Variants in DISP3 observed in about 807,000 individuals in gnomAD.
DISP3 encodes protein dispatched homolog 3.
Under a neutral mutation model 135.3 loss-of-function variants are expected in DISP3, and 101 were observed. The observed-to-expected ratio is 0.75, with a 90% CI of 0.64 to 0.88. The LOEUF is 0.88. DISP3 is among the 40% of genes least tolerant of loss of function. The pLI, the probability that DISP3 is intolerant of heterozygous loss-of-function variation, is 0.00. For missense variants in DISP3, 1,713 were observed against 1,878.6 expected (o/e 0.91, Z 1.63); for synonymous variants, 856 against 817.0 (o/e 1.05, Z -0.81).
rs549134717 is a variant in DISP3 at position 11,515,067 on chromosome 1, A to T, written c.1454-302A>T. Among the ~76,000 whole-genome samples the T allele has an allele frequency of 4.6e-5, 7 of 152,378 alleles. No individual in the cohort carries two copies. In the South Asian group the frequency reaches 1.4e-3, roughly 32 times the overall value. ...TACTGGGCACCAAACTATATGCCAGATGCTGTAAGGTGCCAGGGATCCAGA... is the reference window on the plus strand; with the variant it reads ...TACTGGGCACCAAACTATATGCCAGTTGCTGTAAGGTGCCAGGGATCCAGA... On this transcript the variant is annotated intron_variant, in intron 4 of 20. Transcript: ENST00000294484.
intron 1 of DISP3, among the ~76,000 whole-genome samples, chr1:11,495,344 T>C (rs1641303090): frequency 6.6e-6 from 1 of 152,120 alleles, no homozygotes; most frequent in African/African-American, 2.4e-5. Flanking sequence ...TGAGCTGAGA[T>C]CGCACCATTG....
intron 1 of DISP3, among the ~76,000 whole-genome samples, chr1:11,492,403 T>C (rs1641214960): frequency 6.6e-6 from 1 of 152,116 alleles, no homozygotes; most frequent in South Asian, 2.1e-4. Context: ...ATTGAGCCAT[T>C]GGGTTTTTCG....
chr1:11,522,226 G>A (rs1642217400), intron 10 of DISP3, among the ~76,000 whole-genome samples: 1 of 152,292 alleles, frequency 6.6e-6, no homozygotes, highest in African/African-American at 2.4e-5. Flanking sequence ...AGACGCCTGG[G>A]TGAGTGCTTC....
In DISP3 at chr1:11,525,246, C is replaced by G; in HGVS notation, c.2547C>G (p.Leu849=). ...ACCCCGCTGTCTACAGGCTCTCCCT[C>G]AATGCCAGCCTGCCTGCTCCTTGGC... ...QGHPAVYRLS[L]NASLPAPWQA... The change falls in exon 12 of 21, where the codon CTC becomes CTG. Residue 849 remains leucine (L), a synonymous_variant. Coordinates refer to ENST00000294484, the MANE Select transcript of DISP3 (RefSeq NM_020780.2). The G allele has an allele frequency of 6.2e-7, 1 of 1,614,110 alleles. No individual in the cohort carries two copies. The highest frequency in any genetic ancestry group is 8.5e-7 in the Non-Finnish European group (1 of 1,179,982).
At chr1:11,526,156 C>T (rs1642411516) in intron 12 of DISP3, among the ~76,000 whole-genome samples, 1 of 152,220 alleles carries the variant, frequency 6.6e-6, no homozygotes, top group African/African-American at 2.4e-5. Context: ...CTAAGCCTCG[C>T]ATGTGCAGTT....
chr1:11,535,194 C>A, intron 19 of DISP3, 70 bp downstream of exon 19: 1 of 1,420,352 alleles, frequency 7.0e-7, no homozygotes, highest in Non-Finnish European at 9.6e-7. Flanking sequence ...CCGGTGGCCC[C>A]AGGTAGCCTC....
rs377668584 is a variant in DISP3, at chr1:11,531,685, A to T, written c.3350A>T (p.Gln1117Leu). 8.1e-6 allele frequency: 13 copies of T among 1,609,548 alleles called. No individual in the cohort carries two copies. The highest frequency in any genetic ancestry group is 1.1e-5 in the Non-Finnish European group (13 of 1,177,856). ...GTGGGCGTCAGGGAGGGCCGCGTGC[A>T]GTGGATCTCCATGGCTTTCGAGTCG... ...GAVGVREGRV[Q>L]WISMAFESTT... Residue 1117 changes from glutamine (Q) to leucine (L), a missense_variant, in exon 17 of 21, where the codon CAG (glutamine) becomes CTG (leucine). Coordinates refer to ENST00000294484, the MANE Select transcript of DISP3 (RefSeq NM_020780.2). The surrounding 1 kb of genome is among the most constrained non-coding windows in gnomAD (Gnocchi z 5.2).
In DISP3 at chr1:11,531,017, C is replaced by T. The variant is rs754823994; in HGVS notation, c.3213C>T (p.Ala1071=). ...ANSELVKPGG[A]QCLPSGYSIS... is the part of the protein sequence containing the mutation. ...CCGAGCTGGTGAAGCCGGGTGGGGC[C>T]CAGTGCCTGCCTTCAGGTGCGTGGG... The change falls in exon 16 of 21, where the codon GCC becomes GCT. Residue 1071 remains alanine, a synonymous_variant. Transcript: ENST00000294484. The surrounding 1 kb of genome is among the most constrained non-coding windows in gnomAD (Gnocchi z 5.2). 12 of 1,613,706 alleles carry T rather than the reference C, an allele frequency of 7.4e-6. No individual in the cohort carries two copies. The highest frequency in any genetic ancestry group is 2.2e-5 in the East Asian group (1 of 44,868).
At chr1:11,533,936 GGCCAGGCAGGTT>G in intron 17 of DISP3, 1 of 703,158 alleles carries the variant, frequency 1.4e-6, no homozygotes, top group Admixed American at 2.0e-5. Context: ...CACCTGCCAG[GGCCAGGCAGGTT>G]GCCAGGCAGT....
intron 7 of DISP3, 48 bp downstream of exon 7, chr1:11,517,650 C>T: frequency 6.2e-7 from 1 of 1,600,610 alleles, no homozygotes; most frequent in Non-Finnish European, 8.5e-7. Flanking sequence ...CACAACAGGC[C>T]TCTATGAGCC....
chr1:11,502,287 C>G (rs1343142817), intron 2 of DISP3, among the ~76,000 whole-genome samples, 199 bp downstream of exon 2: 2 of 152,184 alleles, frequency 1.3e-5, no homozygotes, highest in Non-Finnish European at 2.9e-5. Context: ...AAGAGGGAAG[C>G]TTGGACGCAG....
At chr1:11,522,750 A>ACCCAGCCAGGG (rs1642263203) in intron 10 of DISP3, among the ~76,000 whole-genome samples, 1 of 25,264 alleles carries the variant, frequency 4.0e-5, no homozygotes, top group Admixed American at 3.6e-4. Flanking sequence ...CCCAGCCAGG[A>ACCCAGCCAGGG]CCCAGCCAGG....
intron 1 of DISP3, among the ~76,000 whole-genome samples, chr1:11,492,313 C>T (rs1010019559): frequency 3.3e-5 from 5 of 152,116 alleles, no homozygotes; most frequent in African/African-American, 1.2e-4. Context: ...TGCCCATGAA[C>T]GTTGGATCCC....
At position 11,536,864 on chromosome 1, in the gene DISP3, G is replaced by C. The variant is rs1642719253; in HGVS notation, c.*178G>C. On this transcript the variant is annotated 3_prime_UTR_variant, in exon 21 of 21. Coordinates refer to ENST00000294484, the MANE Select transcript of DISP3 (RefSeq NM_020780.2). This position sits in a 1 kb window ranked among gnomAD's most constrained non-coding sequence, Gnocchi z 4.3. ...GGACCATGCTGCCTTGTGGAGCTGG[G>C]AGTTGGAGACAGCCGCCACCCCACA... 3.3e-6 allele frequency: 3 copies of C among 922,662 alleles called. No individual in the cohort carries two copies. The highest frequency in any genetic ancestry group is 4.7e-6 in the Non-Finnish European group (3 of 644,782). 57.2% of individuals were successfully genotyped at this position (922,662 alleles called of 1,614,324 possible). A position where few individuals can be genotyped will look rare whatever the true frequency, so the allele number is the denominator to read the frequency against.
In DISP3 at chr1:11,536,608, G is replaced by A; in HGVS notation, c.4101G>A (p.Gly1367=). The A allele has an allele frequency of 6.2e-7, 1 of 1,610,370 alleles. No individual in the cohort carries two copies. The highest frequency in any genetic ancestry group is 8.5e-7 in the Non-Finnish European group (1 of 1,179,330). The change falls in exon 21 of 21, where the codon GGG becomes GGA. Residue 1367 remains glycine (G), a synonymous_variant. Transcript: ENST00000294484. This position sits in a 1 kb window ranked among gnomAD's most constrained non-coding sequence, Gnocchi z 4.3. ...LKALGAVLLA[G]ALGLGACLVL... ...CCCTGGGTGCCGTGCTGCTGGCAGG[G>A]GCCCTGGGGCTGGGTGCCTGCCTCG...
At position 11,531,638 on chromosome 1, in the gene DISP3, G is replaced by A. The variant is rs537868581; in HGVS notation, c.3303G>A (p.Pro1101=). 200 of 1,613,320 alleles carry A rather than the reference G, an allele frequency of 1.2e-4. No homozygotes were observed. The South Asian group carries it at 1.9e-3, about 15-fold the overall frequency. The stretch of plus-strand genomic sequence containing the variant: ...AGCTGCCCGAGCCCAACCTGCTCCC[G>A]GGGCAGCTGTCCCACGGGGCAGTGG... ...CKELPEPNLL[P]GQLSHGAVGV... Residue 1101 remains proline, a synonymous_variant, in exon 17 of 21, where the codon CCG becomes CCA. Transcript: ENST00000294484. The surrounding 1 kb of genome is among the most constrained non-coding windows in gnomAD (Gnocchi z 5.2).
At chr1:11,509,788 T>A (rs1475776559) in intron 3 of DISP3, among the ~76,000 whole-genome samples, 1 of 152,208 alleles carries the variant, frequency 6.6e-6, no homozygotes, top group Non-Finnish European at 1.5e-5. Flanking sequence ...AAAGTGGGTT[T>A]CTTGTAGTCA....
At chr1:11,517,356 C>T (rs1642040910) in intron 6 of DISP3, 107 bp from the exon 7 acceptor site, 41 of 1,458,714 alleles carry the variant, frequency 2.8e-5, no homozygotes, top group Non-Finnish European at 3.9e-5. Context: ...CTGCCTCAGT[C>T]TGGGCCAGAT....
rs769190297 is a variant in DISP3 at position 11,535,167 on chromosome 1, G to A, written c.3649+43G>A. On this transcript the variant is annotated intron_variant, in intron 19 of 20. Coordinates refer to ENST00000294484, the MANE Select transcript of DISP3 (RefSeq NM_020780.2). Reference sequence around the variant, plus strand: ...TGGCAGGCACCCTGCTGGTAGGGACGGGAACAGACAGTCTCCCCGGTGGCC... The same window carrying A: ...TGGCAGGCACCCTGCTGGTAGGGACAGGAACAGACAGTCTCCCCGGTGGCC... 2.3e-5 allele frequency: 35 copies of A among 1,531,764 alleles called. 1 individual carries two copies. The highest frequency in any genetic ancestry group is 1.2e-4 in the African/African-American group (9 of 73,380). 94.9% of individuals were successfully genotyped at this position (1,531,764 alleles called of 1,614,324 possible). A position where few individuals can be genotyped will look rare whatever the true frequency, so the allele number is the denominator to read the frequency against.
Sources: gnomAD v4.1 joint callset for allele counts (sites outside exome capture counted in the v4.1 genomes callset) on GRCh38, gnomAD v4.1.1 for gene constraint, Gnocchi (gnomAD v3.1) non-coding constraint, MANE v1.5 for transcripts, NCBI Gene and HGNC (gene_info 2026-07-23, HGNC 2026-07-21) for gene names.